Variants in ADPGK observed in about 807,000 individuals in gnomAD.
The protein encoded by ADPGK is ADP dependent glucokinase.
ADPGK carries 26 observed loss-of-function variants against 42.4 expected under a neutral mutation model. That is an observed-to-expected ratio of 0.61 (90% CI 0.45 to 0.85). The LOEUF (loss-of-function observed/expected upper bound fraction) is 0.85. ADPGK is among the 40% of genes least tolerant of loss of function. The pLI, the probability that ADPGK is intolerant of heterozygous loss-of-function variation, is 0.00. For missense variants in ADPGK, 571 were observed against 627.0 expected (o/e 0.91, Z 0.95); for synonymous variants, 267 against 252.6 (o/e 1.06, Z -0.54).
intron 4 of ADPGK, chr15:72,757,926 C>A: frequency 1.4e-6 from 1 of 707,864 alleles, no homozygotes; most frequent in Non-Finnish European, 2.3e-6. Context: ...ACAGGCTCTT[C>A]TGCAAGGCAA....
At chr15:72,780,827 G>A (rs1049040632) in intron 1 of ADPGK, among the ~76,000 whole-genome samples, 3 of 152,088 alleles carry the variant, frequency 2.0e-5, no homozygotes, top group Non-Finnish European at 4.4e-5. Flanking sequence ...AAAACCTGTC[G>A]TTTTTGACTG....
Position 72,774,948 on chromosome 15 carries a change from G to C in ADPGK, c.383C>G (p.Ala128Gly). ...CTTATCACTGAAGAAGCGCTCAGCA[G>C]CTGCTCCCTTCCCCATGAAGTGAAT... ...AFIHFMGKGAAAERFFSDKET... is the reference protein window; with the variant it reads ...AFIHFMGKGAGAERFFSDKET... Residue 128 changes from alanine (A) to glycine (G), a missense_variant, in exon 2 of 7, where the codon GCT becomes GGT. Around this residue, in one of 2 missense-constraint regions of ADPGK, gnomAD observed 434 missense variants for 522.7 expected, o/e 0.83. Coordinates refer to ENST00000456471, the MANE Select transcript of ADPGK (RefSeq NM_001365225.1). The C allele has an allele frequency of 1.2e-6, 2 of 1,614,202 alleles. No individual in the cohort carries two copies. The highest frequency in any genetic ancestry group is 3.3e-4 in the Middle Eastern group (2 of 6,062).
chr15:72,779,523 G>A (rs1199216487), intron 1 of ADPGK, among the ~76,000 whole-genome samples: 1 of 152,066 alleles, frequency 6.6e-6, no homozygotes, highest in East Asian at 1.9e-4. Flanking sequence ...GGGATTACAG[G>A]CGTGAGCCAC....
rs117017301 is a variant in ADPGK at position 72,772,281 on chromosome 15, C to G, written c.460-436G>C. Among the ~76,000 whole-genome samples the G allele has an allele frequency of 6.5e-3, 984 of 152,298 alleles. 4 individuals carry two copies. Among genetic ancestry groups the G allele is most frequent in the Non-Finnish European group, 0.01 (689 of 68,020 alleles). On this transcript the variant is annotated intron_variant, in intron 2 of 6. Transcript: ENST00000456471. ...GAGGCACATATGGCCTTTATCTAACCCATGTTTTCCTTACTACCTTCATCT... is the reference window on the plus strand; with the variant it reads ...GAGGCACATATGGCCTTTATCTAACGCATGTTTTCCTTACTACCTTCATCT...
intron 1 of ADPGK, among the ~76,000 whole-genome samples, chr15:72,780,154 G>A (rs924794719): frequency 6.6e-6 from 1 of 152,120 alleles, no homozygotes; most frequent in South Asian, 2.1e-4. Flanking sequence ...TGAATTGCCC[G>A]GGACTGGGTA....
chr15:72,767,393 A>AC (rs1007441062), intron 3 of ADPGK, among the ~76,000 whole-genome samples: 1 of 151,876 alleles, frequency 6.6e-6, no homozygotes, highest in Non-Finnish European at 1.5e-5. Context: ...CAAAAAAAAA[A>AC]AAACCAATAA....
In ADPGK at chr15:72,774,875, G is replaced by A. The variant is rs2066370841; in HGVS notation, c.456C>T (p.Ala152=). Residue 152 remains alanine, a synonymous_variant, in exon 2 of 7, where the codon GCC becomes GCT. Transcript: ENST00000456471. The part of the protein sequence containing the change: ...IAQVASEFPG[A]QHYVGGNAAL... Reference sequence around the variant, plus strand: ...ACTATTGCTGAACCAAACAGACCTGGGCTCCTGGGAACTCTGATGCAACCT... The same window carrying A: ...ACTATTGCTGAACCAAACAGACCTGAGCTCCTGGGAACTCTGATGCAACCT... 1 of 1,610,706 alleles carries A rather than the reference G, an allele frequency of 6.2e-7. No individual in the cohort carries two copies. Among genetic ancestry groups the A allele is most frequent in the African/African-American group, 1.3e-5 (1 of 74,782 alleles).
intron 1 of ADPGK, 58 bp downstream of exon 1, chr15:72,783,401 G>A (rs2066493598): frequency 2.3e-6 from 3 of 1,313,920 alleles, no homozygotes; most frequent in African/African-American, 1.5e-5. Flanking sequence ...GCGCGGCTCC[G>A]CCCGACCTCC....
At chr15:72,760,286 G>A in intron 4 of ADPGK, 121 bp downstream of exon 4, 2 of 1,308,820 alleles carry the variant, frequency 1.5e-6, no homozygotes, top group Non-Finnish European at 2.0e-6. Context: ...GAAACTTTCA[G>A]TATGGCAAAA....
intron 5 of ADPGK, 132 bp downstream of exon 5, chr15:72,756,119 C>G: frequency 8.9e-7 from 1 of 1,124,866 alleles, no homozygotes; most frequent in Non-Finnish European, 1.3e-6. Flanking sequence ...AGGAGGCAAG[C>G]TCCACAGCCA....
At chr15:72,783,368 G>A (rs72737337) in intron 1 of ADPGK, 91 bp downstream of exon 1, 144,001 of 1,296,422 alleles carry the variant, frequency 0.11, 11,632 homozygotes, top group East Asian at 0.51. Context: ...GCCTCCCGGG[G>A]ACCTCTGAGA....
intron 4 of ADPGK, chr15:72,758,002 G>C: frequency 7.0e-7 from 1 of 1,437,534 alleles, no homozygotes; most frequent in South Asian, 1.2e-5. Flanking sequence ...GATGCCAAGA[G>C]AGGCTGGAAC....
chr15:72,752,993 C>A, intron 6 of ADPGK, 98 bp from the exon 7 acceptor site: 1 of 1,278,390 alleles, frequency 7.8e-7, no homozygotes, highest in Non-Finnish European at 1.1e-6. Flanking sequence ...GGAACACAGG[C>A]AGGCAGCTTT....
intron 3 of ADPGK, among the ~76,000 whole-genome samples, chr15:72,762,397 G>C (rs2066206623): frequency 6.6e-6 from 1 of 152,076 alleles, no homozygotes; most frequent in Non-Finnish European, 1.5e-5. Context: ...TTTGTACAGA[G>C]GTACTTTCGT....
Position 72,756,247 on chromosome 15 carries a change from T to C in ADPGK, c.840+4A>G. 1 of 1,613,976 alleles carries C rather than the reference T, an allele frequency of 6.2e-7. No homozygotes were observed. On this transcript the variant is annotated splice_donor_region_variant and intron_variant, in intron 5 of 6. Coordinates refer to ENST00000456471, the MANE Select transcript of ADPGK (RefSeq NM_001365225.1). ...TCTGTGAAATTCTGTAACAGTGCCA[T>C]TACCTCCAAGAGTCTCTTCCTCTGG... is the stretch of plus-strand genomic sequence containing the variant.
chr15:72,762,920 A>G (rs1437762452), intron 3 of ADPGK, among the ~76,000 whole-genome samples: 1 of 152,092 alleles, frequency 6.6e-6, no homozygotes, highest in Non-Finnish European at 1.5e-5. Context: ...GGAGGTGGAG[A>G]GCCAAGATCA....
intron 3 of ADPGK, among the ~76,000 whole-genome samples, chr15:72,766,056 C>T (rs2151081462): frequency 6.6e-6 from 1 of 152,320 alleles, no homozygotes; most frequent in South Asian, 2.1e-4. Context: ...AATCATAGCT[C>T]ACAGTACAGT....
chr15:72,752,011 G>C lies in ADPGK; in HGVS notation c.*330C>G. 1 of 280,702 alleles carries C rather than the reference G, an allele frequency of 3.6e-6. No homozygotes were observed. Among genetic ancestry groups the C allele is most frequent in the Admixed American group, 4.8e-5 (1 of 20,792 alleles). 17.4% of individuals were successfully genotyped at this position (280,702 alleles called of 1,614,324 possible). On this transcript the variant is annotated 3_prime_UTR_variant, in exon 7 of 7. Coordinates refer to ENST00000456471, the MANE Select transcript of ADPGK (RefSeq NM_001365225.1). ...TGAGTGGGCGTGCACTTCTCAAGTGGGCAAGGAAGAACTGCTTTTCTCCAG... is the reference window on the plus strand; with the variant it reads ...TGAGTGGGCGTGCACTTCTCAAGTGCGCAAGGAAGAACTGCTTTTCTCCAG...
intron 4 of ADPGK, among the ~76,000 whole-genome samples, chr15:72,758,970 G>A (rs575662999): frequency 3.3e-4 from 50 of 152,220 alleles, no homozygotes; most frequent in African/African-American, 1.1e-3. Context: ...ACGGAGTCTC[G>A]CTCTGTTGCC....
Sources: gnomAD v4.1 joint callset for allele counts (sites outside exome capture counted in the v4.1 genomes callset) on GRCh38, gnomAD v4.1.1 for gene constraint, gnomAD v4.1.1 regional missense constraint, MANE v1.5 for transcripts, NCBI Gene and HGNC (gene_info 2026-07-23, HGNC 2026-07-21) for gene names.